Variants in CHUK observed in about 807,000 individuals in gnomAD.
CHUK encodes the protein inhibitor of nuclear factor kappa-B kinase subunit alpha.
A neutral mutation model predicts 104.8 loss-of-function variants in CHUK; 35 were observed. The ratio of observed to expected loss-of-function variants is 0.33; its 90% CI spans 0.26 to 0.44. The LOEUF (loss-of-function observed/expected upper bound fraction) is 0.44, where lower values mean the gene tolerates loss of function less well. CHUK is among the 20% of genes least tolerant of loss of function. The pLI, the probability that CHUK is intolerant of heterozygous loss-of-function variation, is 1.00. For missense variants in CHUK, 663 were observed against 902.7 expected (o/e 0.73, Z 3.40); for synonymous variants, 276 against 291.9 (o/e 0.95, Z 0.56).
chr10:100,227,301 G>A (rs563352759), intron 1 of CHUK, among the ~76,000 whole-genome samples: 1 of 152,304 alleles, frequency 6.6e-6, no homozygotes, highest in African/African-American at 2.4e-5. Flanking sequence ...ATAGGGTTAT[G>A]GCTGTACAAC....
chr10:100,226,114 C>G (rs1846100383), intron 1 of CHUK, 97 bp from the exon 2 acceptor site: 1 of 739,878 alleles, frequency 1.4e-6, no homozygotes, highest in African/African-American at 1.8e-5. Flanking sequence ...AACTTTTTAG[C>G]TTTACTAATT....
chr10:100,220,777 T>C, intron 4 of CHUK, 101 bp from the exon 5 acceptor site: 1 of 745,882 alleles, frequency 1.3e-6, no homozygotes, highest in Non-Finnish European at 2.4e-6. Flanking sequence ...TGCTCAAGTT[T>C]ATATGGATCA....
chr10:100,189,798 T>C (rs1845151727), intron 20 of CHUK, among the ~76,000 whole-genome samples, 171 bp from the exon 21 acceptor site: 1 of 152,020 alleles, frequency 6.6e-6, no homozygotes. Context: ...TTTTCATAAA[T>C]ATTTGAAGTA....
chr10:100,215,214 C>CAAAAAAAAAAAAAAAAAAAA (rs913817319), intron 9 of CHUK, among the ~76,000 whole-genome samples: 1 of 51,586 alleles, frequency 1.9e-5, no homozygotes. Context: ...GGCTCCATAT[C>CAAAAAAAAAAAAAAAAAAAA]AAAAAAAAAA....
At chr10:100,193,741 T>C (rs559099356) in intron 18 of CHUK, 11 of 597,186 alleles carry the variant, frequency 1.8e-5, no homozygotes, top group African/African-American at 1.1e-4. Flanking sequence ...CCAAGTTAGG[T>C]TGGAATACCA....
chr10:100,193,420 A>G lies in CHUK; in HGVS notation c.1986T>C (p.Ser662=), dbSNP rs1845250390. The G allele has an allele frequency of 1.2e-6, 2 of 1,614,190 alleles. No individual in the cohort carries two copies. Among genetic ancestry groups the G allele is most frequent in the South Asian group, 1.1e-5 (1 of 91,088 alleles). The change falls in exon 19 of 21, where the codon TCT becomes TCC. Residue 662 remains serine (S), a synonymous_variant. Transcript: ENST00000370397. ...HLLKIACTQS[S]ARSLVGSSLE... ...GACTGGATCCTACAAGGGACCGGGC[A>G]GAACTCTGTGTCTGAAGGAAAAGAA...
intron 9 of CHUK, among the ~76,000 whole-genome samples, chr10:100,214,628 C>T (rs1845810617): frequency 6.6e-6 from 1 of 152,128 alleles, no homozygotes; most frequent in Non-Finnish European, 1.5e-5. Flanking sequence ...TTCAAATGTA[C>T]CTAAAATGAT....
chr10:100,217,087 T>C (rs978065419), intron 9 of CHUK, among the ~76,000 whole-genome samples: 8 of 151,954 alleles, frequency 5.3e-5, no homozygotes, highest in South Asian at 2.1e-4. Flanking sequence ...GGCAGAAGGA[T>C]AGCATCTGTC....
At chr10:100,217,323 G>A (rs1845881292) in intron 9 of CHUK, among the ~76,000 whole-genome samples, 2 of 151,760 alleles carry the variant, frequency 1.3e-5, no homozygotes, top group Admixed American at 6.6e-5. Context: ...CAGAAGATGA[G>A]ATAGGTAGTA....
chr10:100,193,904 C>G, intron 18 of CHUK, 80 bp downstream of exon 18: 1 of 1,306,896 alleles, frequency 7.7e-7, no homozygotes, highest in Non-Finnish European at 1.1e-6. Flanking sequence ...GAGGGCCCAC[C>G]TCATGCTGAT....
chr10:100,219,254 A>G lies in CHUK; in HGVS notation c.564+16T>C, dbSNP rs369623939. 6 of 1,573,102 alleles carry G rather than the reference A, an allele frequency of 3.8e-6. No homozygotes were observed. The highest frequency in any genetic ancestry group is 1.3e-5 in the African/African-American group (1 of 74,096). On this transcript the variant is annotated intron_variant, in intron 6 of 20. Transcript: ENST00000370397. ...CCTATACACACTTAAATTCAAAGAA[A>G]CAAAACAGGTCTCACCAGATACTGC...
At chr10:100,221,930 C>G (rs1845997466) in intron 4 of CHUK, among the ~76,000 whole-genome samples, 182 bp downstream of exon 4, 1 of 152,180 alleles carries the variant, frequency 6.6e-6, no homozygotes, top group Non-Finnish European at 1.5e-5. Context: ...GCCACCGCAC[C>G]TAGCCAAAAT....
intron 9 of CHUK, among the ~76,000 whole-genome samples, chr10:100,210,091 A>ATTTTTTATTTTTAT (rs373881948): frequency 4.1e-4 from 50 of 121,830 alleles, no homozygotes; most frequent in African/African-American, 1.4e-3. Context: ...TTATTTATTT[A>ATTTTTTATTTTTAT]TTTTTTTTTT....
intron 9 of CHUK, among the ~76,000 whole-genome samples, 160 bp from the exon 10 acceptor site, chr10:100,209,949 T>C (rs1485695751): frequency 6.6e-6 from 1 of 152,164 alleles, no homozygotes; most frequent in East Asian, 1.9e-4. Context: ...AATTATAAAA[T>C]GACATTCTGA....
In CHUK at chr10:100,204,603, G is replaced by T. The variant is rs769565796; in HGVS notation, c.1410C>A (p.Ile470=). Residue 470 remains isoleucine (I), a synonymous_variant, in exon 13 of 21, where the codon ATC becomes ATA. Transcript: ENST00000370397. ...TAGCTTTCAGTTGTTGTGATGCTGA[G>T]ATCAAAGTGTTCTTCATTTTTGTTA... ...ANLTKMKNTL[I]SASQQLKAKL... 2 of 1,612,856 alleles carry T rather than the reference G, an allele frequency of 1.2e-6. No homozygotes were observed. Among genetic ancestry groups the T allele is most frequent in the Non-Finnish European group, 1.7e-6 (2 of 1,179,042 alleles).
rs1390572873 is a variant in CHUK at position 100,222,183 on chromosome 10, T to C, written c.316-2A>G. The C allele has an allele frequency of 1.3e-6, 2 of 1,584,908 alleles. No individual in the cohort carries two copies. Among genetic ancestry groups the C allele is most frequent in the Admixed American group, 1.7e-5 (1 of 59,868 alleles). ...ACAATTTTCTGGTTTGTTGAGCAGC[T>C]AAAAAAAGAAAGAAATCTAAAAATC... On this transcript the variant is annotated splice_acceptor_variant, in intron 3 of 20. Coordinates refer to ENST00000370397, the MANE Select transcript of CHUK (RefSeq NM_001278.5). LOFTEE classifies it high-confidence loss of function.
chr10:100,208,954 C>T (rs989271442), intron 10 of CHUK, among the ~76,000 whole-genome samples: 5 of 152,038 alleles, frequency 3.3e-5, no homozygotes, highest in African/African-American at 1.2e-4. Context: ...TCTGAAGAAA[C>T]CCCAGGCCTC....
intron 12 of CHUK, 128 bp downstream of exon 12, chr10:100,204,948 C>A: frequency 2.8e-6 from 3 of 1,078,784 alleles, no homozygotes; most frequent in South Asian, 2.7e-5. Flanking sequence ...TTTATCAGAA[C>A]ATTACACTTC....
rs778561986 is a variant in CHUK at position 100,194,035 on chromosome 10, G to GA, written c.1922dup (p.Met642HisfsTer14). On this transcript the variant is annotated frameshift_variant, in exon 18 of 21. Transcript: ENST00000370397. LOFTEE classifies it high-confidence loss of function. ...TTTCTTTCTGCCTTTTTCCCTGCAT[G>GA]AACATGACAGTATTGTCAGCTTCTT... is the stretch of plus-strand genomic sequence containing the variant. 2 of 1,613,700 alleles carry GA rather than the reference G, an allele frequency of 1.2e-6. No homozygotes were observed. Among genetic ancestry groups the GA allele is most frequent in the Non-Finnish European group, 1.7e-6 (2 of 1,179,722 alleles).
Sources: gnomAD v4.1 joint callset for allele counts (sites outside exome capture counted in the v4.1 genomes callset) on GRCh38, gnomAD v4.1.1 for gene constraint, MANE v1.5 for transcripts, NCBI Gene and HGNC (gene_info 2026-07-23, HGNC 2026-07-21) for gene names.